Variants in PRIM1 observed in about 807,000 individuals in gnomAD.
PRIM1 encodes the protein DNA primase small subunit.
In PRIM1, 38 loss-of-function variants were observed where a neutral mutation model predicts 60.2. That is an observed-to-expected ratio of 0.63 (90% CI 0.49 to 0.83). PRIM1 has a LOEUF of 0.83. Among genes scored for constraint, PRIM1 ranks in the 40% least tolerant of loss-of-function variants. The probability of loss-of-function intolerance (pLI) is 0.00; values close to 1 mark genes in which losing one functional copy is unlikely to be tolerated. For missense variants in PRIM1, 388 were observed against 506.2 expected, an observed-to-expected ratio of 0.77 and a Z score of 2.24; for synonymous variants, 158 against 160.2, an observed-to-expected ratio of 0.99 and a Z score of 0.10.
chr12:56,750,133 CTT>C (rs1953936001), intron 2 of PRIM1, among the ~76,000 whole-genome samples: 1 of 152,146 alleles, frequency 6.6e-6, no homozygotes, highest in African/African-American at 2.4e-5. Flanking sequence ...GAGAGAAGGA[CTT>C]TTAGTCAGTG....
At chr12:56,732,755 C>G (rs1953792670) in intron 12 of PRIM1, among the ~76,000 whole-genome samples, 1 of 128,690 alleles carries the variant, frequency 7.8e-6, no homozygotes. Context: ...ATGAACAACC[C>G]TTGGCCTTTT....
Position 56,752,279 on chromosome 12 carries a change from G to A in PRIM1, c.20C>T (p.Thr7Ile). 6.3e-7 allele frequency: 1 copy of A among 1,587,870 alleles called. No homozygotes were observed. Among genetic ancestry groups the A allele is most frequent in the Admixed American group, 1.8e-5 (1 of 56,356 alleles). Reference sequence around the variant, plus strand: ...AAGTTTAAGCAGCTCGGGCAGCTCGGTGGGGTCAAACGTCTCCATTGAGCG... The same window carrying A: ...AAGTTTAAGCAGCTCGGGCAGCTCGATGGGGTCAAACGTCTCCATTGAGCG... Reference protein sequence around the residue: METFDPTELPELLKLYY... With the variant: METFDPIELPELLKLYY... Residue 7 changes from threonine (T) to isoleucine (I), a missense_variant, in exon 1 of 13, where the codon ACC becomes ATC. Around this residue, in one of 3 missense-constraint regions of PRIM1, gnomAD observed 156 missense variants for 175.8 expected, o/e 0.89. Transcript: ENST00000338193.
chr12:56,733,015 C>T (rs1024212168), intron 12 of PRIM1, among the ~76,000 whole-genome samples: 10 of 151,274 alleles, frequency 6.6e-5, no homozygotes, highest in South Asian at 4.2e-4. Context: ...ATACCACGCC[C>T]GGCTAATTTT....
At chr12:56,741,627 T>C (rs1953872639) in intron 8 of PRIM1, 51 bp from the exon 9 acceptor site, 6 of 1,584,428 alleles carry the variant, frequency 3.8e-6, no homozygotes, top group East Asian at 2.2e-5. Flanking sequence ...CTGTTGAAGA[T>C]TTCTTTAAAG....
intron 5 of PRIM1, among the ~76,000 whole-genome samples, chr12:56,745,810 G>A (rs1953901990): frequency 1.3e-5 from 2 of 151,716 alleles, no homozygotes; most frequent in African/African-American, 2.4e-5. Flanking sequence ...ACAGTGGCAG[G>A]AGCCTGTAGT....
chr12:56,748,398 C>T (rs1349979335), intron 2 of PRIM1, among the ~76,000 whole-genome samples: 2 of 152,016 alleles, frequency 1.3e-5, no homozygotes, highest in South Asian at 2.1e-4. Flanking sequence ...GAGGCTGAGG[C>T]GGGCAGATCA....
intron 1 of PRIM1, 91 bp downstream of exon 1, chr12:56,752,105 C>T (rs1052294124): frequency 2.2e-6 from 2 of 902,038 alleles, no homozygotes; most frequent in Non-Finnish European, 1.7e-6. Context: ...AAGCCTGGTG[C>T]ACAGAAGGCG....
At chr12:56,731,807 T>G (rs1953787319) in intron 12 of PRIM1, 73 bp from the exon 13 acceptor site, 1 of 1,256,452 alleles carries the variant, frequency 8.0e-7, no homozygotes, top group Non-Finnish European at 1.1e-6. Flanking sequence ...TTTACATTCT[T>G]TTTTGCCTAA....
intron 9 of PRIM1, among the ~76,000 whole-genome samples, chr12:56,741,037 C>T (rs914839349): frequency 5.3e-5 from 8 of 152,228 alleles, no homozygotes; most frequent in African/African-American, 9.6e-5. Flanking sequence ...TGGTGTTAGA[C>T]TCTGGGGCTC....
intron 2 of PRIM1, among the ~76,000 whole-genome samples, chr12:56,750,733 G>A (rs1953943967): frequency 6.6e-6 from 1 of 151,962 alleles, no homozygotes; most frequent in Non-Finnish European, 1.5e-5. Context: ...GGGATTACAG[G>A]CGCGTACCAC....
chr12:56,740,447 C>T (rs1359107648), intron 9 of PRIM1, among the ~76,000 whole-genome samples: 2 of 151,830 alleles, frequency 1.3e-5, no homozygotes, highest in Admixed American at 6.6e-5. Flanking sequence ...TTTATAATAC[C>T]CCCCTAGGAT....
In PRIM1 at chr12:56,739,294, CT is replaced by C; in HGVS notation, c.1051del (p.Ser351AlafsTer38). The C allele has an allele frequency of 6.4e-7, 1 of 1,555,792 alleles. No individual in the cohort carries two copies. Among genetic ancestry groups the C allele is most frequent in the South Asian group, 1.2e-5 (1 of 83,268 alleles). On this transcript the variant is annotated frameshift_variant and splice_region_variant, in exon 10 of 13. Coordinates refer to ENST00000338193, the MANE Select transcript of PRIM1 (RefSeq NM_000946.3). LOFTEE classifies it high-confidence loss of function. ...GAGTGATCAATGATCTGAAACATAC[CT>C]TATGGTCGGAACAGTAAATGGATCA... ...QFDPFTVPTISFICRELDAIS... is the reference protein window; with the variant it reads ...QFDPFTVPTIXFICRELDAIS...
chr12:56,748,841 C>T (rs1383561688), intron 2 of PRIM1, among the ~76,000 whole-genome samples: 1 of 151,916 alleles, frequency 6.6e-6, no homozygotes, highest in African/African-American at 2.4e-5. Flanking sequence ...CCTATAATCC[C>T]AGCTACCCGG....
At chr12:56,744,463 A>G (rs1431085973) in intron 5 of PRIM1, among the ~76,000 whole-genome samples, 6 of 152,036 alleles carry the variant, frequency 3.9e-5, no homozygotes, top group Non-Finnish European at 7.4e-5. Context: ...ATTGCACTCT[A>G]GCCAGGGTGA....
intron 9 of PRIM1, 91 bp downstream of exon 9, chr12:56,741,344 C>T (rs1953870902): frequency 3.8e-6 from 5 of 1,308,744 alleles, no homozygotes; most frequent in Non-Finnish European, 5.1e-6. Flanking sequence ...AAATCATAGA[C>T]ATTATATATA....
intron 11 of PRIM1, among the ~76,000 whole-genome samples, chr12:56,736,150 T>G (rs2137858427): frequency 6.6e-6 from 1 of 150,464 alleles, no homozygotes; most frequent in Non-Finnish European, 1.5e-5. Context: ...ATACAAAAAT[T>G]AGCTGGACGT....
At chr12:56,744,923 T>C (rs1173125644) in intron 5 of PRIM1, among the ~76,000 whole-genome samples, 2 of 151,976 alleles carry the variant, frequency 1.3e-5, no homozygotes. Context: ...GAAACCCTGT[T>C]TCCACCTGCC....
chr12:56,744,094 G>T lies in PRIM1; in HGVS notation c.609C>A (p.His203Gln). 1 of 1,571,442 alleles carries T rather than the reference G, an allele frequency of 6.4e-7. No homozygotes were observed. The highest frequency in any genetic ancestry group is 8.6e-7 in the Non-Finnish European group (1 of 1,156,388). ...KGGQDVKKKV[H>Q]LSEKIHPFIR... ...TAAAAGGGTGAATTTTTTCACTTAG[G>T]TGAACTTTCTTTTTAACGTCTTGAC... The change falls in exon 6 of 13, where the codon CAC becomes CAA. Residue 203 changes from histidine to glutamine, a missense_variant. Around this residue, in one of 3 missense-constraint regions of PRIM1, gnomAD observed 211 missense variants for 277.9 expected, o/e 0.76. Transcript: ENST00000338193.
chr12:56,747,019 T>C lies in PRIM1; in HGVS notation c.275A>G (p.Asn92Ser). 1 of 1,611,636 alleles carries C rather than the reference T, an allele frequency of 6.2e-7. No homozygotes were observed. The highest frequency in any genetic ancestry group is 1.3e-5 in the African/African-American group (1 of 75,040). ...AVYSHRPNQH[N>S]TVKLGAFQAQ... ...CTGGAAAGCTCCCAGCTTCACTGTA[T>C]TGTGTTGATTGGGCTACAGATACAA... Residue 92 changes from asparagine to serine, a missense_variant, in exon 3 of 13, where the codon AAT becomes AGT. This residue lies in a region of PRIM1 where 156 missense variants were observed against 175.8 expected (regional missense o/e 0.89). Transcript: ENST00000338193.
Sources: allele counts gnomAD v4.1 joint callset (sites outside exome capture counted in the v4.1 genomes callset), GRCh38; gene constraint gnomAD v4.1.1; regional missense constraint gnomAD v4.1.1; transcripts MANE v1.5; gene names NCBI Gene and HGNC (gene_info 2026-07-23, HGNC 2026-07-21).